Variants in URB1 observed in about 807,000 individuals in gnomAD.
URB1 encodes the protein nucleolar pre-ribosomal-associated protein 1.
A neutral mutation model predicts 242.3 loss-of-function variants in URB1; 197 were observed. That is an observed-to-expected ratio of 0.81 (90% CI 0.72 to 0.91). The LOEUF (loss-of-function observed/expected upper bound fraction) is 0.91. Ranked by LOEUF, URB1 falls within the 40% of genes least tolerant of loss-of-function variation. The pLI is 0.00. For missense variants in URB1, 2,721 were observed against 2,860.5 expected (o/e 0.95, Z 1.11); for synonymous variants, 1,153 against 1,201.8 (o/e 0.96, Z 0.84).
Position 32,373,671 on chromosome 21 carries a change from GGTAATCCCATTCCAGTTGTAC to G in URB1, c.831_851del (p.Tyr278_Thr284del), listed in dbSNP as rs1568829687. The stretch of plus-strand genomic sequence containing the variant: ...CCTTGACATTTTCTGGGTTCACATC[GGTAATCCCATTCCAGTTGTAC>G]AGCGATGCTATGTGGTTCAATAACT... On this transcript the variant is annotated inframe_deletion, in exon 7 of 39. Coordinates refer to ENST00000382751, the MANE Select transcript of URB1 (RefSeq NM_014825.3). 6.5e-7 allele frequency: 1 copy of G among 1,541,936 alleles called. No homozygotes were observed.
intron 28 of URB1, chr21:32,335,355 T>TG (rs1336521565): frequency 6.6e-6 from 1 of 152,362 alleles, no homozygotes; most frequent in East Asian, 1.9e-4. Context: ...ACATAGGGCC[T>TG]GGCTCTTGGT....
chr21:32,379,969 A>C (rs796881861), intron 4 of URB1, among the ~76,000 whole-genome samples: 5 of 150,484 alleles, frequency 3.3e-5, no homozygotes, highest in African/African-American at 1.2e-4. Context: ...ACAGAGCGAG[A>C]CTCCATCTCA....
At position 32,372,615 on chromosome 21, in the gene URB1, GCTT is replaced by G. The variant is rs1447058629; in HGVS notation, c.890_892del (p.Glu297del). On this transcript the variant is annotated inframe_deletion, in exon 8 of 39. Coordinates refer to ENST00000382751, the MANE Select transcript of URB1 (RefSeq NM_014825.3). ...AAGCTCCCGCACCATGGTTTTCCCT[GCTT>G]CTTCGGCAGAAACCTATGAAGATTT... 1.9e-6 allele frequency: 3 copies of G among 1,549,744 alleles called. No homozygotes were observed. Among genetic ancestry groups the G allele is most frequent in the Admixed American group, 4.0e-5 (2 of 50,530 alleles).
chr21:32,325,472 G>A, intron 30 of URB1, 83 bp from the exon 31 acceptor site: 1 of 1,462,726 alleles, frequency 6.8e-7, no homozygotes, highest in Admixed American at 2.1e-5. Context: ...ATTTCCTCTT[G>A]TGTCTTACCA....
chr21:32,349,143 G>A (rs894807413), intron 21 of URB1, among the ~76,000 whole-genome samples, 161 bp downstream of exon 21: 13 of 152,252 alleles, frequency 8.5e-5, no homozygotes, highest in African/African-American at 2.7e-4. Context: ...AAATTAAACC[G>A]CATGCTGGGC....
rs1017152611 is a variant in URB1, at chr21:32,347,377, G to C, written c.3447C>G (p.His1149Gln). The change falls in exon 22 of 39, where the codon CAC becomes CAG. Residue 1149 changes from histidine to glutamine, a missense_variant. Physicochemically the swap from His to Gln is conservative, Grantham distance 24. Coordinates refer to ENST00000382751, the MANE Select transcript of URB1 (RefSeq NM_014825.3). ...QPTKSPGKER[H>Q]LNALGKTLVQ... ...CCAGGGTCTTTCCAAGAGCATTCAG[G>C]TGTCTTTCCTTCCCGGGGGATTTCG... 1 of 1,551,332 alleles carries C rather than the reference G, an allele frequency of 6.4e-7. No individual in the cohort carries two copies. Among genetic ancestry groups the C allele is most frequent in the Non-Finnish European group, 8.7e-7 (1 of 1,146,982 alleles).
chr21:32,330,456 A>G (rs1164264171), intron 30 of URB1, among the ~76,000 whole-genome samples: 1 of 151,790 alleles, frequency 6.6e-6, no homozygotes, highest in East Asian at 1.9e-4. Flanking sequence ...TTTACTAATG[A>G]CAGCTCTTCA....
Position 32,354,034 on chromosome 21 carries a change from A to G in URB1, c.2315T>C (p.Leu772Ser). The G allele has an allele frequency of 6.4e-7, 1 of 1,551,728 alleles. No individual in the cohort carries two copies. The highest frequency in any genetic ancestry group is 2.4e-5 in the East Asian group (1 of 40,914). The change falls in exon 18 of 39, where the codon TTG becomes TCG. Residue 772 changes from leucine to serine, a missense_variant. By Grantham distance (145) the Leu-to-Ser change is moderately radical (BLOSUM62 -2). Coordinates refer to ENST00000382751, the MANE Select transcript of URB1 (RefSeq NM_014825.3). Reference sequence around the variant, plus strand: ...CGTGAGCAGGATCATGTCTTCACTCAACGTGAACCCTATTTCCTCATCCAA... The same window carrying G: ...CGTGAGCAGGATCATGTCTTCACTCGACGTGAACCCTATTTCCTCATCCAA... Reference protein sequence around the residue: ...EGLDEEIGFTLSEDMILLTFP... With the variant: ...EGLDEEIGFTSSEDMILLTFP...
chr21:32,344,809 C>A, intron 23 of URB1, 53 bp from the exon 24 acceptor site: 1 of 1,510,304 alleles, frequency 6.6e-7, no homozygotes, highest in South Asian at 1.3e-5. Context: ...ATCCTTCTGA[C>A]TTTACGTATA....
intron 3 of URB1, 35 bp downstream of exon 3, chr21:32,384,278 G>A (rs796377253): frequency 1.3e-6 from 2 of 1,539,876 alleles, no homozygotes; most frequent in African/African-American, 2.7e-5. Flanking sequence ...AAACCCAAAG[G>A]CCCATCCTTT....
chr21:32,391,270 A>G (rs2033635056), intron 1 of URB1, among the ~76,000 whole-genome samples: 1 of 152,052 alleles, frequency 6.6e-6, no homozygotes, highest in Admixed American at 6.6e-5. Context: ...CTAAGGTTAA[A>G]TGACGAGTTA....
chr21:32,323,760 C>G (rs983663915), intron 32 of URB1, among the ~76,000 whole-genome samples: 1 of 152,056 alleles, frequency 6.6e-6, no homozygotes, highest in Admixed American at 6.5e-5. Flanking sequence ...ATCGCTTGAG[C>G]CCAGGAGTTT....
rs1300201627 is a variant in URB1 at position 32,313,864 on chromosome 21, A to G, written c.*1054T>C. On this transcript the variant is annotated 3_prime_UTR_variant, in exon 39 of 39. Transcript: ENST00000382751. Reference sequence around the variant, plus strand: ...CAACCCCAACTAATATATGACCATTAAGAGTAAAATTCTGACCTTTAAAAT... The same window carrying G: ...CAACCCCAACTAATATATGACCATTGAGAGTAAAATTCTGACCTTTAAAAT... 6.6e-6 allele frequency: 1 copy of G among 152,256 alleles called. No individual in the cohort carries two copies. Among genetic ancestry groups the G allele is most frequent in the African/African-American group, 2.4e-5 (1 of 41,452 alleles). 9.4% of individuals were successfully genotyped at this position (152,256 alleles called of 1,614,324 possible).
At chr21:32,357,148 C>T (rs1461752482) in intron 15 of URB1, among the ~76,000 whole-genome samples, 1 of 152,166 alleles carries the variant, frequency 6.6e-6, no homozygotes, top group Admixed American at 6.5e-5. Context: ...CTATTCTCTT[C>T]CACTGGCTTT....
chr21:32,344,836 A>G, intron 23 of URB1, 80 bp from the exon 24 acceptor site: 1 of 1,439,964 alleles, frequency 6.9e-7, no homozygotes, highest in Non-Finnish European at 9.2e-7. Context: ...CATCACAAAG[A>G]GCCATATGGG....
rs1451704234 is a variant in URB1 at position 32,346,939 on chromosome 21, G to T, written c.3868+17C>A. 2 of 1,488,730 alleles carry T rather than the reference G, an allele frequency of 1.3e-6. No homozygotes were observed. The highest frequency in any genetic ancestry group is 1.8e-6 in the Non-Finnish European group (2 of 1,110,568). 92.2% of individuals were successfully genotyped at this position (1,488,730 alleles called of 1,614,324 possible). ...CAACTTAAGACCCCAGCTGCCCAAA[G>T]CTAGCCTTTCCCTTACCTCCTGCTG... On this transcript the variant is annotated intron_variant, in intron 22 of 38. Coordinates refer to ENST00000382751, the MANE Select transcript of URB1 (RefSeq NM_014825.3).
intron 9 of URB1, among the ~76,000 whole-genome samples, chr21:32,368,058 C>A (rs902090951): frequency 2.0e-5 from 3 of 152,098 alleles, no homozygotes; most frequent in Non-Finnish European, 4.4e-5. Context: ...CCTATGCCCC[C>A]CTACCTAGCT....
intron 15 of URB1, among the ~76,000 whole-genome samples, chr21:32,355,984 G>A (rs2033215996): frequency 6.6e-6 from 1 of 152,206 alleles, no homozygotes; most frequent in African/African-American, 2.4e-5. Context: ...GGAGCACGCA[G>A]GGGGTGAAAG....
chr21:32,342,030 G>A (rs970701046), intron 24 of URB1, among the ~76,000 whole-genome samples: 1 of 32,420 alleles, frequency 3.1e-5, no homozygotes, highest in Non-Finnish European at 5.6e-5. Flanking sequence ...GAGCATGAAG[G>A]TTTTGGATTT....
Sources: allele counts gnomAD v4.1 joint callset (sites outside exome capture counted in the v4.1 genomes callset), GRCh38; gene constraint gnomAD v4.1.1; transcripts MANE v1.5; gene names NCBI Gene and HGNC (gene_info 2026-07-23, HGNC 2026-07-21).